CA8: variants seen among roughly 807,000 people sequenced by gnomAD.
CA8 encodes carbonic anhydrase-related protein.
In CA8, 22 loss-of-function variants were observed where a neutral mutation model predicts 41.4. The ratio of observed to expected loss-of-function variants is 0.53; its 90% CI spans 0.38 to 0.76. The LOEUF is 0.76. Among genes scored for constraint, CA8 ranks in the 30% least tolerant of loss-of-function variants. The pLI is 0.00. For missense variants in CA8, 270 were observed against 352.8 expected, an observed-to-expected ratio of 0.77 and a Z score of 1.88; for synonymous variants, 121 against 130.6, an observed-to-expected ratio of 0.93 and a Z score of 0.50.
intron 7 of CA8, among the ~76,000 whole-genome samples, chr8:60,213,643 TAAG>T (rs1362644947): frequency 6.6e-6 from 1 of 152,126 alleles, no homozygotes; most frequent in Non-Finnish European, 1.5e-5. Context: ...AGTATGAAAA[TAAG>T]GAGAGAAATC....
Position 60,231,355 on chromosome 8 carries a change from T to C in CA8, c.513+929A>G, listed in dbSNP as rs140486533. ...ATTTTAAAATATTAAGAGCCTAAACTGGATGGCTACTTTCAAACATCAATA... is the reference window on the plus strand; with the variant it reads ...ATTTTAAAATATTAAGAGCCTAAACCGGATGGCTACTTTCAAACATCAATA... On this transcript the variant is annotated intron_variant, in intron 4 of 8. Coordinates refer to ENST00000317995, the MANE Select transcript of CA8 (RefSeq NM_004056.6). Among the ~76,000 whole-genome samples the C allele has an allele frequency of 9.5e-3, 1,440 of 152,254 alleles. 19 individuals are homozygous for C. Among genetic ancestry groups the C allele is most frequent in the African/African-American group, 0.031 (1,298 of 41,550 alleles).
intron 5 of CA8, among the ~76,000 whole-genome samples, chr8:60,225,732 C>G (rs1000022795): frequency 6.6e-6 from 1 of 152,182 alleles, no homozygotes; most frequent in Non-Finnish European, 1.5e-5. Flanking sequence ...AATTTCTGCT[C>G]TGTATCTCCA....
chr8:60,270,475 G>A (rs780372608), intron 2 of CA8, among the ~76,000 whole-genome samples: 1 of 152,168 alleles, frequency 6.6e-6, no homozygotes, highest in Non-Finnish European at 1.5e-5. Context: ...GAGTGCAGTG[G>A]TGTGATCTCG....
chr8:60,216,127 G>T (rs769776666), intron 7 of CA8, among the ~76,000 whole-genome samples: 10 of 151,970 alleles, frequency 6.6e-5, no homozygotes, highest in Non-Finnish European at 1.5e-4. Flanking sequence ...AATTCTTGAG[G>T]CTTCTCAATT....
At chr8:60,266,926 T>C (rs941062929) in intron 2 of CA8, among the ~76,000 whole-genome samples, 11 of 152,222 alleles carry the variant, frequency 7.2e-5, no homozygotes, top group African/African-American at 2.7e-4. Context: ...TTCTGAACAG[T>C]ATCAGCTAAG....
chr8:60,195,696 C>T (rs1436620678), intron 8 of CA8, among the ~76,000 whole-genome samples: 1 of 152,134 alleles, frequency 6.6e-6, no homozygotes, highest in Non-Finnish European at 1.5e-5. Flanking sequence ...AGGCTGTGAG[C>T]TATGTCAGGG....
At chr8:60,253,737 T>C (rs571853150) in intron 3 of CA8, among the ~76,000 whole-genome samples, 2 of 152,318 alleles carry the variant, frequency 1.3e-5, no homozygotes, top group Admixed American at 6.5e-5. Context: ...CCCTGCCTCA[T>C]GCTACTTTCC....
At chr8:60,222,617 T>C (rs1383557384) in intron 7 of CA8, 32 bp downstream of exon 7, 20 of 1,313,146 alleles carry the variant, frequency 1.5e-5, no homozygotes, top group Non-Finnish European at 2.1e-5. Context: ...ACTCAGAACT[T>C]CACTCTGAAA....
chr8:60,232,016 T>C (rs1278477180), intron 4 of CA8, among the ~76,000 whole-genome samples: 2 of 152,174 alleles, frequency 1.3e-5, no homozygotes, highest in African/African-American at 2.4e-5. Context: ...AAACTCTACC[T>C]TCAGGAGTCA....
In CA8 at chr8:60,187,942, T is replaced by C. The variant is rs1255607387; in HGVS notation, c.*2079A>G. The C allele has an allele frequency of 6.6e-6, 1 of 152,200 alleles. No individual in the cohort carries two copies. Among genetic ancestry groups the C allele is most frequent in the Non-Finnish European group, 1.5e-5 (1 of 68,026 alleles). The allele number at this position is 152,200 out of a possible 1,614,324, so 9.4% of individuals were successfully genotyped here. On this transcript the variant is annotated 3_prime_UTR_variant, in exon 9 of 9. Transcript: ENST00000317995. ...GATTAGTTGTTGTGCTTTCGTTTAC[T>C]GACAAACTACCTTTCAAATTCATTC...
At chr8:60,246,953 G>A (rs1220441882) in intron 3 of CA8, among the ~76,000 whole-genome samples, 11 of 136,956 alleles carry the variant, frequency 8.0e-5, no homozygotes, top group Non-Finnish European at 1.4e-4. Flanking sequence ...GCGCGATCTC[G>A]GCTCACTGCA....
intron 7 of CA8, 119 bp downstream of exon 7, chr8:60,222,530 C>A: frequency 2.8e-6 from 2 of 720,766 alleles, no homozygotes; most frequent in South Asian, 3.0e-5. Flanking sequence ...ATTTAACTTT[C>A]ATCTGGAAAG....
intron 3 of CA8, among the ~76,000 whole-genome samples, chr8:60,245,085 T>G (rs544014609): frequency 1.3e-5 from 2 of 152,340 alleles, no homozygotes; most frequent in South Asian, 4.1e-4. Context: ...TCATAATCAT[T>G]CCCACCATTC....
intron 7 of CA8, among the ~76,000 whole-genome samples, chr8:60,220,925 A>G (rs1467104629): frequency 2.0e-5 from 3 of 152,210 alleles, no homozygotes; most frequent in African/African-American, 7.2e-5. Flanking sequence ...GGAGGAGGAC[A>G]GTGAAGATGG....
chr8:60,209,344 C>T (rs1453800805), intron 7 of CA8, among the ~76,000 whole-genome samples: 1 of 152,094 alleles, frequency 6.6e-6, no homozygotes, highest in Non-Finnish European at 1.5e-5. Flanking sequence ...ATCAGCCAGG[C>T]TTGGTGGTGC....
chr8:60,190,957 T>TACACAC (rs112367263), intron 8 of CA8, among the ~76,000 whole-genome samples: 296 of 102,506 alleles, frequency 2.9e-3, no homozygotes, highest in East Asian at 7.1e-3. Flanking sequence ...TATATATATA[T>TACACAC]ACACACACAC....
At position 60,188,063 on chromosome 8, in the gene CA8, CA is replaced by C. The variant is rs1314201311; in HGVS notation, c.*1957del. The C allele has an allele frequency of 2.6e-5, 4 of 152,274 alleles. No individual in the cohort carries two copies. Among genetic ancestry groups the C allele is most frequent in the African/African-American group, 9.6e-5 (4 of 41,550 alleles). 9.4% of individuals were successfully genotyped at this position (152,274 alleles called of 1,614,324 possible). A position where few individuals can be genotyped will look rare whatever the true frequency, so the allele number is the denominator to read the frequency against. On this transcript the variant is annotated 3_prime_UTR_variant, in exon 9 of 9. Transcript: ENST00000317995. Reference sequence around the variant, plus strand: ...TTCCATATAAAGAATATTATGCCTCCAAACAATGTCACCAATGGACACCATG... The same window carrying C: ...TTCCATATAAAGAATATTATGCCTCCAACAATGTCACCAATGGACACCATG...
intron 4 of CA8, 58 bp from the exon 5 acceptor site, chr8:60,226,993 TA>T (rs760410752): frequency 2.5e-4 from 323 of 1,275,766 alleles, no homozygotes; most frequent in Non-Finnish European, 3.3e-4. Flanking sequence ...TAGCTTTAAC[TA>T]AAAAAAAACT....
rs189486123 is a variant in CA8 at position 60,202,734 on chromosome 8, C to T, written c.*35+6016G>A. Reference sequence around the variant, plus strand: ...TCTACCATACTCCCTATTTTAGGTCCTCCAAGATCACAACGAATGCTTTGG... The same window carrying T: ...TCTACCATACTCCCTATTTTAGGTCTTCCAAGATCACAACGAATGCTTTGG... On this transcript the variant is annotated intron_variant, in intron 8 of 8. Transcript: ENST00000317995. 4.1e-4 allele frequency among the ~76,000 whole-genome samples: 63 copies of T among 152,186 alleles called. 1 individual carries two copies. In the East Asian group the frequency reaches 0.012, roughly 28 times the overall value.
Sources: gnomAD v4.1 joint callset for allele counts (sites outside exome capture counted in the v4.1 genomes callset) on GRCh38, gnomAD v4.1.1 for gene constraint, MANE v1.5 for transcripts, NCBI Gene and HGNC (gene_info 2026-07-23, HGNC 2026-07-21) for gene names.